The following MYT1L variants were observed in gnomAD, a reference collection of about 807,000 sequenced individuals.
MYT1L encodes the protein myelin transcription factor 1-like protein.
Under a neutral mutation model 126.7 loss-of-function variants are expected in MYT1L, and 12 were observed. The observed-to-expected ratio is 0.09, with a 90% CI of 0.06 to 0.15. The LOEUF is 0.15. Among genes scored for constraint, MYT1L ranks in the 10% least tolerant of loss-of-function variants. The pLI, the probability that MYT1L is intolerant of heterozygous loss-of-function variation, is 1.00. For missense variants in MYT1L, 979 were observed against 1,585.2 expected, an observed-to-expected ratio of 0.62 and a Z score of 6.49; for synonymous variants, 541 against 604.2, an observed-to-expected ratio of 0.90 and a Z score of 1.53.
intron 4 of MYT1L, among the ~76,000 whole-genome samples, chr2:2,002,893 C>G (rs1362400217): frequency 1.3e-5 from 2 of 152,098 alleles, no homozygotes; most frequent in African/African-American, 4.8e-5. Flanking sequence ...TTCCTGCCAC[C>G]TTGTGAAGAA....
At chr2:1,803,795 G>A (rs910035928) in intron 22 of MYT1L, among the ~76,000 whole-genome samples, 7 of 152,090 alleles carry the variant, frequency 4.6e-5, no homozygotes, top group African/African-American at 1.4e-4. Context: ...ACAGGGAAAC[G>A]GTGCCAGGAA....
chr2:2,024,643 G>T (rs1226585046), intron 4 of MYT1L, among the ~76,000 whole-genome samples: 9 of 152,064 alleles, frequency 5.9e-5, no homozygotes, highest in Non-Finnish European at 1.2e-4. Flanking sequence ...GTTGCCATTG[G>T]TTTTTTTCCT....
At chr2:1,953,747 C>T (rs1471941860) in intron 8 of MYT1L, among the ~76,000 whole-genome samples, 3 of 152,208 alleles carry the variant, frequency 2.0e-5, no homozygotes, top group Admixed American at 6.5e-5. Context: ...GCCAGTGCTT[C>T]GGTGTGTTTC....
chr2:2,090,355 A>G (rs1049222303), intron 3 of MYT1L, among the ~76,000 whole-genome samples: 2 of 152,248 alleles, frequency 1.3e-5, no homozygotes, highest in Admixed American at 1.3e-4. Flanking sequence ...ATTCCAAAAA[A>G]GTGCATATAA....
At chr2:2,204,344 A>T (rs2093217095) in intron 2 of MYT1L, among the ~76,000 whole-genome samples, 3 of 151,428 alleles carry the variant, frequency 2.0e-5, no homozygotes, top group Admixed American at 6.6e-5. Flanking sequence ...ATGGGAGAAA[A>T]TTTTTGCAAC....
chr2:2,039,842 C>T (rs767260954), intron 4 of MYT1L, among the ~76,000 whole-genome samples: 3 of 152,100 alleles, frequency 2.0e-5, no homozygotes, highest in Admixed American at 6.5e-5. Flanking sequence ...GACTCTTCCA[C>T]GTGGAATGGC....
chr2:1,884,493 T>C (rs2047940014), intron 18 of MYT1L, among the ~76,000 whole-genome samples: 1 of 152,210 alleles, frequency 6.6e-6, no homozygotes, highest in South Asian at 2.1e-4. Flanking sequence ...GGTCACCAAT[T>C]ACAAGGTTAA....
intron 8 of MYT1L, among the ~76,000 whole-genome samples, chr2:1,967,767 G>A (rs1032621332): frequency 5.3e-5 from 8 of 152,180 alleles, no homozygotes; most frequent in African/African-American, 1.7e-4. Context: ...CTGCGCAGGC[G>A]AGACGAGGTG....
At chr2:1,893,053 T>C (rs2049122997) in intron 14 of MYT1L, among the ~76,000 whole-genome samples, 1 of 152,206 alleles carries the variant, frequency 6.6e-6, no homozygotes, top group African/African-American at 2.4e-5. Context: ...GCCTCTTTCA[T>C]AGCCACGGCC....
chr2:1,894,801 G>A (rs1010741319), intron 14 of MYT1L, among the ~76,000 whole-genome samples: 9 of 152,096 alleles, frequency 5.9e-5, no homozygotes, highest in African/African-American at 1.4e-4. Context: ...AGGAGCTCCC[G>A]CTGACGCCCA....
At chr2:2,252,469 C>G (rs2094678989) in intron 2 of MYT1L, among the ~76,000 whole-genome samples, 1 of 152,226 alleles carries the variant, frequency 6.6e-6, no homozygotes, top group African/African-American at 2.4e-5. Flanking sequence ...CTCCTCCATT[C>G]TGCAATCCAG....
intron 18 of MYT1L, among the ~76,000 whole-genome samples, chr2:1,866,696 G>GGAGAGGGAGGGAGAGAGAGAGGCA (rs1376445658): frequency 1.4e-4 from 11 of 77,208 alleles, no homozygotes; most frequent in Non-Finnish European, 2.5e-4. Flanking sequence ...AGAGAGAGAG[G>GGAGAGGGAGGGAGAGAGAGAGGCA]GAGAGGGAGG....
intron 2 of MYT1L, among the ~76,000 whole-genome samples, chr2:2,229,017 C>A (rs769012326): frequency 2.6e-5 from 4 of 152,098 alleles, no homozygotes; most frequent in African/African-American, 4.8e-5. Context: ...AGCAAACAGC[C>A]GGTTGAGAAC....
chr2:2,147,350 G>C (rs1054927858), intron 3 of MYT1L, among the ~76,000 whole-genome samples: 2 of 152,242 alleles, frequency 1.3e-5, no homozygotes, highest in Admixed American at 1.3e-4. Flanking sequence ...GAGGGTGCGA[G>C]CACACAGCAG....
At chr2:2,295,541 G>T (rs913956938) in intron 1 of MYT1L, among the ~76,000 whole-genome samples, 1 of 143,710 alleles carries the variant, frequency 7.0e-6, no homozygotes, top group African/African-American at 2.5e-5. Context: ...GAAAGATAGA[G>T]AGAGAGAGAG....
intron 3 of MYT1L, among the ~76,000 whole-genome samples, chr2:2,166,595 C>G (rs538370459): frequency 6.6e-6 from 1 of 152,292 alleles, no homozygotes; most frequent in South Asian, 2.1e-4. Flanking sequence ...TAATCCCTTT[C>G]TACCTAAAAC....
chr2:2,262,939 G>GACATATAT (rs1466512652), intron 2 of MYT1L, among the ~76,000 whole-genome samples: 29 of 51,982 alleles, frequency 5.6e-4, no homozygotes, highest in African/African-American at 2.1e-3. Flanking sequence ...TATAACCTGT[G>GACATATAT]ATATATATAT....
intron 2 of MYT1L, among the ~76,000 whole-genome samples, chr2:2,197,682 TATAC>T (rs1420517574): frequency 2.0e-5 from 3 of 151,180 alleles, no homozygotes; most frequent in Non-Finnish European, 4.4e-5. Flanking sequence ...TAAACACATG[TATAC>T]ATACATGCAC....
chr2:2,132,748 AAGAC>A (rs1453112117), intron 3 of MYT1L, among the ~76,000 whole-genome samples: 4 of 152,206 alleles, frequency 2.6e-5, no homozygotes, highest in Admixed American at 2.0e-4. Context: ...AAATTTAAGA[AAGAC>A]AGAGAGAGAC....
Sources: allele counts gnomAD v4.1 joint callset (sites outside exome capture counted in the v4.1 genomes callset), GRCh38; gene constraint gnomAD v4.1.1; transcripts MANE v1.5; gene names NCBI Gene and HGNC (gene_info 2026-07-23, HGNC 2026-07-21).